Variants in DDR2 observed in about 807,000 individuals in gnomAD.
The protein encoded by DDR2 is discoidin domain-containing receptor 2.
In DDR2, 27 loss-of-function variants were observed where a neutral mutation model predicts 94.9. The ratio of observed to expected loss-of-function variants is 0.28; its 90% CI spans 0.21 to 0.39. The LOEUF (loss-of-function observed/expected upper bound fraction) is 0.39. Ranked by LOEUF, DDR2 falls within the 10% of genes least tolerant of loss-of-function variation. DDR2 has a pLI of 1.00. For synonymous variants in DDR2, 382 were observed against 377.2 expected (o/e 1.01, Z -0.15); for missense variants, 783 against 1,076.0 (o/e 0.73, Z 3.81).
At chr1:162,719,185 C>G in intron 3 of DDR2, 40 bp downstream of exon 3, 3 of 1,613,180 alleles carry the variant, frequency 1.9e-6, no homozygotes, top group Non-Finnish European at 2.5e-6. Context: ...AGAAGACCAG[C>G]AGAATGTTTA....
At chr1:162,777,762 C>A (rs1444137589) in intron 16 of DDR2, 1 of 151,876 alleles carries the variant, frequency 6.6e-6, no homozygotes, top group Non-Finnish European at 1.5e-5. Flanking sequence ...GTAGTCCCAG[C>A]TACTCAGGAG....
intron 2 of DDR2, among the ~76,000 whole-genome samples, chr1:162,710,222 AG>A (rs1264735846): frequency 6.6e-6 from 1 of 152,178 alleles, no homozygotes; most frequent in Non-Finnish European, 1.5e-5. Context: ...GCTGAGATGG[AG>A]GGGAGCAAAG....
rs1326170105 is a variant in DDR2 at position 162,701,059 on chromosome 1, T to G, written c.-27-17978T>G. 3.1e-5 allele frequency among the ~76,000 whole-genome samples: 4 copies of G among 129,930 alleles called. No individual in the cohort carries two copies. In the Admixed American group the frequency reaches 3.3e-4, roughly 11 times the overall value. 85.2% of individuals were successfully genotyped at this position (129,930 alleles called of 152,430 possible). Reference sequence around the variant, plus strand: ...TTTAGGACTTGGGGAGATCTGGGTATGGGAAGAAGAACTGAAAAAAAAAAA... The same window carrying G: ...TTTAGGACTTGGGGAGATCTGGGTAGGGGAAGAAGAACTGAAAAAAAAAAA... On this transcript the variant is annotated intron_variant, in intron 2 of 17. Transcript: ENST00000367921.
At chr1:162,747,249 T>C (rs1433883766) in intron 3 of DDR2, among the ~76,000 whole-genome samples, 4 of 152,134 alleles carry the variant, frequency 2.6e-5, no homozygotes, top group Non-Finnish European at 5.9e-5. Flanking sequence ...TTCAAACCCA[T>C]CGCAAAGAAG....
chr1:162,719,219 G>A, intron 3 of DDR2, 74 bp downstream of exon 3: 1 of 1,609,484 alleles, frequency 6.2e-7, no homozygotes, highest in Non-Finnish European at 8.5e-7. Context: ...TCAATGGTGG[G>A]TCTAAAAGCT....
chr1:162,634,296 T>C (rs1017835769), intron 1 of DDR2, among the ~76,000 whole-genome samples: 14 of 152,242 alleles, frequency 9.2e-5, no homozygotes, highest in Admixed American at 3.3e-4. Flanking sequence ...GTTCTGGCTC[T>C]ACCTTTTACT....
chr1:162,686,200 A>G (rs543617550), intron 2 of DDR2, among the ~76,000 whole-genome samples: 1 of 150,358 alleles, frequency 6.7e-6, no homozygotes, highest in Admixed American at 6.6e-5. Context: ...TAATTTTTGT[A>G]TTTTTTTTTT....
intron 1 of DDR2, among the ~76,000 whole-genome samples, chr1:162,645,725 T>C (rs979870222): frequency 6.6e-6 from 1 of 152,244 alleles, no homozygotes; most frequent in African/African-American, 2.4e-5. Flanking sequence ...AAATAAGATC[T>C]TAACCCAAAC....
At position 162,719,101 on chromosome 1, in the gene DDR2, T is replaced by A; in HGVS notation, c.38T>A (p.Leu13Gln). 6.2e-7 allele frequency: 1 copy of A among 1,613,920 alleles called. No individual in the cohort carries two copies. Among genetic ancestry groups the A allele is most frequent in the Non-Finnish European group, 8.5e-7 (1 of 1,179,822 alleles). The change falls in exon 3 of 18, where the codon CTG becomes CAG. Residue 13 changes from leucine to glutamine, a missense_variant. Physicochemically the swap from Leu to Gln is moderately radical, Grantham distance 113. Around this residue, in one of 2 missense-constraint regions of DDR2, gnomAD observed 519 missense variants for 647.9 expected, o/e 0.80. Coordinates refer to ENST00000367921, the MANE Select transcript of DDR2 (RefSeq NM_006182.4). ...LIPRMLLVLF[L>Q]LLPILSSAKA... ...CCCAGAATGCTCTTGGTGCTGTTCC[T>A]GCTGCTGCCTATCTTGAGTTCTGCA...
chr1:162,664,962 G>C (rs1440927889), intron 2 of DDR2, among the ~76,000 whole-genome samples: 2 of 152,060 alleles, frequency 1.3e-5, no homozygotes, highest in African/African-American at 4.8e-5. Context: ...ATAAAAAATG[G>C]TAAGTTTGCT....
chr1:162,770,505 G>T lies in DDR2; in HGVS notation c.1497G>T (p.Glu499Asp), dbSNP rs779865754. The T allele has an allele frequency of 6.2e-7, 1 of 1,614,114 alleles. No individual in the cohort carries two copies. ...TCCCAGAATTTGCTCCAGGGGAGGA[G>T]GAGTCAGGTGAGGATGATGTGGTGG... ...RKLPEFAPGE[E>D]ESGCSGVVKP... The change falls in exon 12 of 18, where the codon GAG becomes GAT. Residue 499 changes from glutamate to aspartate, a missense_variant. Around this residue, in one of 2 missense-constraint regions of DDR2, gnomAD observed 519 missense variants for 647.9 expected, o/e 0.80. Transcript: ENST00000367921.
At chr1:162,736,631 T>A (rs1345478492) in intron 3 of DDR2, among the ~76,000 whole-genome samples, 2 of 152,140 alleles carry the variant, frequency 1.3e-5, no homozygotes, top group East Asian at 1.9e-4. Context: ...TTTAAGCAAC[T>A]CACGACTCTA....
intron 3 of DDR2, among the ~76,000 whole-genome samples, chr1:162,729,300 A>ATATATATATTTTTTTTTT (rs1416872679): frequency 1.1e-5 from 1 of 94,014 alleles, no homozygotes; most frequent in African/African-American, 5.3e-5. Context: ...ATATATATAT[A>ATATATATATTTTTTTTTT]TTTTTTTTTT....
At chr1:162,721,167 G>A (rs776817999) in intron 3 of DDR2, among the ~76,000 whole-genome samples, 1 of 152,180 alleles carries the variant, frequency 6.6e-6, no homozygotes, top group African/African-American at 2.4e-5. Context: ...GGATGTTTTG[G>A]TGGTAAGCAT....
chr1:162,756,222 A>T (rs1011679082), intron 7 of DDR2, among the ~76,000 whole-genome samples: 7 of 152,246 alleles, frequency 4.6e-5, no homozygotes, highest in Non-Finnish European at 1.0e-4. Flanking sequence ...GACTAGTAAG[A>T]CTTACAATAG....
intron 2 of DDR2, among the ~76,000 whole-genome samples, chr1:162,664,379 G>T (rs1355276815): frequency 6.6e-6 from 1 of 151,960 alleles, no homozygotes; most frequent in Non-Finnish European, 1.5e-5. Flanking sequence ...AGGAACTTTA[G>T]TTTTATGAAT....
intron 1 of DDR2, among the ~76,000 whole-genome samples, chr1:162,641,063 G>A (rs1247096357): frequency 1.3e-5 from 2 of 152,134 alleles, no homozygotes. Flanking sequence ...CCCTCATTGA[G>A]CTGTTTTAAC....
intron 1 of DDR2, among the ~76,000 whole-genome samples, chr1:162,642,210 G>A (rs958424161): frequency 1.3e-5 from 2 of 152,112 alleles, no homozygotes; most frequent in Non-Finnish European, 2.9e-5. Flanking sequence ...ACCCGCCATG[G>A]CTTCCCAAAG....
chr1:162,683,103 A>G (rs1240847471), intron 2 of DDR2, among the ~76,000 whole-genome samples: 1 of 152,248 alleles, frequency 6.6e-6, no homozygotes, highest in Non-Finnish European at 1.5e-5. Context: ...TCATGTGATT[A>G]TATTAATTGA....
Sources: gnomAD v4.1 joint callset for allele counts (sites outside exome capture counted in the v4.1 genomes callset) on GRCh38, gnomAD v4.1.1 for gene constraint, gnomAD v4.1.1 regional missense constraint, MANE v1.5 for transcripts, NCBI Gene and HGNC (gene_info 2026-07-23, HGNC 2026-07-21) for gene names.